COL26A1: variants seen among roughly 807,000 people sequenced by gnomAD.
The protein encoded by COL26A1 is collagen alpha-1(XXVI) chain.
In COL26A1, 41 loss-of-function variants were observed where a neutral mutation model predicts 59.3. The ratio of observed to expected loss-of-function variants is 0.69; its 90% CI spans 0.54 to 0.90. COL26A1 has a LOEUF of 0.90. Ranked by LOEUF, COL26A1 falls within the 40% of genes least tolerant of loss-of-function variation. The probability of loss-of-function intolerance (pLI) is 0.00; values close to 1 mark genes in which losing one functional copy is unlikely to be tolerated. For synonymous variants in COL26A1, 266 were observed against 256.0 expected, an observed-to-expected ratio of 1.04 and a Z score of -0.37; for missense variants, 612 against 602.3, an observed-to-expected ratio of 1.02 and a Z score of -0.17.
Position 101,413,957 on chromosome 7 carries a change from G to A in COL26A1, c.159-6020G>A, listed in dbSNP as rs140082702. 3.0e-3 allele frequency among the ~76,000 whole-genome samples: 456 copies of A among 152,334 alleles called. 2 individuals carry two copies. Among genetic ancestry groups the A allele is most frequent in the Middle Eastern group, 0.01 (3 of 294 alleles). ...GCACCCGCCATAGTCAGGAGCTGAG[G>A]TGCGCAGGTGGGCGGTGGCAGGACG... On this transcript the variant is annotated intron_variant, in intron 1 of 12. Transcript: ENST00000313669.
intron 1 of COL26A1, among the ~76,000 whole-genome samples, chr7:101,385,386 T>TATATATATATA (rs58580713): frequency 1.3e-5 from 2 of 149,798 alleles, no homozygotes; most frequent in South Asian, 2.1e-4. Flanking sequence ...TATATATATA[T>TATATATATATA]TTGTGACGGA....
chr7:101,365,454 T>C (rs1240560358), intron 1 of COL26A1, among the ~76,000 whole-genome samples: 1 of 151,870 alleles, frequency 6.6e-6, no homozygotes, highest in Non-Finnish European at 1.5e-5. Context: ...TGAGACAGAG[T>C]CTCGCTCTGT....
chr7:101,475,122 G>GGAGGCA (rs1453285564), intron 3 of COL26A1, among the ~76,000 whole-genome samples: 1 of 150,926 alleles, frequency 6.6e-6, no homozygotes, highest in African/African-American at 2.5e-5. Flanking sequence ...CTTGAACCTG[G>GGAGGCA]GAGGCAGAGG....
chr7:101,433,795 C>T (rs1025187611), intron 2 of COL26A1, among the ~76,000 whole-genome samples: 1 of 152,016 alleles, frequency 6.6e-6, no homozygotes, highest in Admixed American at 6.6e-5. Context: ...GCAGGGGGAT[C>T]CACAGAACAC....
intron 3 of COL26A1, among the ~76,000 whole-genome samples, chr7:101,487,164 A>G (rs1429883167): frequency 6.6e-6 from 1 of 152,202 alleles, no homozygotes; most frequent in Non-Finnish European, 1.5e-5. Flanking sequence ...GGGGCTGGTC[A>G]CAGACACTGG....
intron 8 of COL26A1, 62 bp downstream of exon 8, chr7:101,547,301 A>G: frequency 2.4e-6 from 3 of 1,240,374 alleles, no homozygotes; most frequent in South Asian, 2.7e-5. Context: ...GGCCTGAGCC[A>G]TGGGGCCTTG....
At chr7:101,390,221 A>G (rs77497991) in intron 1 of COL26A1, among the ~76,000 whole-genome samples, 2,183 of 133,812 alleles carry the variant, frequency 0.016, 62 homozygotes, top group African/African-American at 0.057. Flanking sequence ...GCAGTGGCAC[A>G]ATCTCAGCTC....
intron 1 of COL26A1, among the ~76,000 whole-genome samples, chr7:101,387,778 A>ATTTTTTTTTTTTTTTTTTTTTTTTT (rs1554404085): frequency 4.7e-5 from 4 of 84,836 alleles, no homozygotes; most frequent in East Asian, 2.8e-4. Flanking sequence ...ATATATATAT[A>ATTTTTTTTTTTTTTTTTTTTTTTTT]TTTTTTTTTA....
Position 101,523,898 on chromosome 7 carries a change from T to C in COL26A1, c.386-9184T>C, listed in dbSNP as rs373165966. On this transcript the variant is annotated intron_variant, in intron 3 of 12. Coordinates refer to ENST00000313669, the MANE Select transcript of COL26A1 (RefSeq NM_001278563.3). ...ATTTCCACCAAAAAAAAAAGTCTACTGGGATTTTGACTGGGATTGCATTGA... is the reference window on the plus strand; with the variant it reads ...ATTTCCACCAAAAAAAAAAGTCTACCGGGATTTTGACTGGGATTGCATTGA... Among the ~76,000 whole-genome samples the C allele has an allele frequency of 1.1e-4, 16 of 152,202 alleles. No homozygotes were observed. The East Asian group carries it at 2.7e-3, about 26-fold the overall frequency.
chr7:101,497,163 G>A (rs1282389243), intron 3 of COL26A1, among the ~76,000 whole-genome samples: 3 of 151,702 alleles, frequency 2.0e-5, no homozygotes, highest in South Asian at 2.1e-4. Flanking sequence ...ACCTGAACCC[G>A]GGAGGCAGAG....
chr7:101,458,509 A>T (rs956364169), intron 3 of COL26A1, among the ~76,000 whole-genome samples: 1 of 152,010 alleles, frequency 6.6e-6, no homozygotes, highest in Admixed American at 6.6e-5. Flanking sequence ...GTGGTGGTGC[A>T]TGCCTGTAAT....
At chr7:101,402,971 G>T (rs766843843) in intron 1 of COL26A1, among the ~76,000 whole-genome samples, 2 of 151,704 alleles carry the variant, frequency 1.3e-5, no homozygotes, top group African/African-American at 4.8e-5. Context: ...TCAGCTTCTC[G>T]AGTAGCTGGG....
At chr7:101,539,307 T>TGTGTGTGTGTGTGTGC (rs1795554271) in intron 4 of COL26A1, among the ~76,000 whole-genome samples, 2 of 151,660 alleles carry the variant, frequency 1.3e-5, no homozygotes, top group Non-Finnish European at 2.9e-5. Context: ...TGTGTGTGTG[T>TGTGTGTGTGTGTGTGC]GTGTGTGTGT....
At chr7:101,553,459 G>A in intron 11 of COL26A1, 83 bp downstream of exon 11, 2 of 1,413,548 alleles carry the variant, frequency 1.4e-6, no homozygotes, top group Non-Finnish European at 2.0e-6. Flanking sequence ...CCACAGATCT[G>A]CGCTGACCGT....
chr7:101,490,038 G>C (rs1419633796), intron 3 of COL26A1, among the ~76,000 whole-genome samples: 1 of 150,688 alleles, frequency 6.6e-6, no homozygotes, highest in Non-Finnish European at 1.5e-5. Flanking sequence ...CCAGGTTCCA[G>C]TGATTCTACT....
At chr7:101,506,065 T>G (rs890158306) in intron 3 of COL26A1, among the ~76,000 whole-genome samples, 8 of 152,210 alleles carry the variant, frequency 5.3e-5, no homozygotes, top group African/African-American at 1.9e-4. Flanking sequence ...CCTTGAATTC[T>G]CCTTCTGTCC....
At position 101,432,004 on chromosome 7, in the gene COL26A1, G is replaced by A. The variant is rs189593965; in HGVS notation, c.281+11905G>A. 4.8e-3 allele frequency among the ~76,000 whole-genome samples: 681 copies of A among 141,732 alleles called. 7 individuals carry two copies. The highest frequency in any genetic ancestry group is 0.017 in the African/African-American group (625 of 37,158). The allele number at this position is 141,732 out of a possible 152,430, so 93.0% of individuals were successfully genotyped here. On this transcript the variant is annotated intron_variant, in intron 2 of 12. Coordinates refer to ENST00000313669, the MANE Select transcript of COL26A1 (RefSeq NM_001278563.3). ...TTTTTGGAGACGAAGTTTTGCTCTCGTTGCCCAGGCTGTGAGTGCAATCTT... is the reference window on the plus strand; with the variant it reads ...TTTTTGGAGACGAAGTTTTGCTCTCATTGCCCAGGCTGTGAGTGCAATCTT...
chr7:101,366,310 A>T (rs1332189055), intron 1 of COL26A1, among the ~76,000 whole-genome samples: 1 of 152,032 alleles, frequency 6.6e-6, no homozygotes, highest in Non-Finnish European at 1.5e-5. Context: ...GAGATCCAAG[A>T]TGTCCAGAAG....
intron 3 of COL26A1, among the ~76,000 whole-genome samples, chr7:101,484,108 C>T (rs1301145611): frequency 6.6e-6 from 1 of 151,440 alleles, no homozygotes; most frequent in Non-Finnish European, 1.5e-5. Context: ...CCTCAACCTC[C>T]CGAGGTGCTG....
Sources: gnomAD v4.1 joint callset for allele counts (sites outside exome capture counted in the v4.1 genomes callset) on GRCh38, gnomAD v4.1.1 for gene constraint, MANE v1.5 for transcripts, NCBI Gene and HGNC (gene_info 2026-07-23, HGNC 2026-07-21) for gene names.